The following EPB41L4A variants were observed in gnomAD, a reference collection of about 807,000 sequenced individuals.
The protein encoded by EPB41L4A is erythrocyte membrane protein band 4.1 like 4A.
A neutral mutation model predicts 108.6 loss-of-function variants in EPB41L4A; 100 were observed. The observed-to-expected ratio is 0.92, with a 90% CI of 0.78 to 1.09. The LOEUF (loss-of-function observed/expected upper bound fraction) is 1.09, where lower values mean the gene tolerates loss of function less well. EPB41L4A is among the 50% of genes least tolerant of loss of function. EPB41L4A has a pLI of 0.00. For synonymous variants in EPB41L4A, 319 were observed against 289.0 expected, an observed-to-expected ratio of 1.10 and a Z score of -1.05; for missense variants, 1,030 against 842.7, an observed-to-expected ratio of 1.22 and a Z score of -2.75.
intron 1 of EPB41L4A, among the ~76,000 whole-genome samples, chr5:112,315,151 C>G (rs1287044457): frequency 6.6e-6 from 1 of 152,152 alleles, no homozygotes; most frequent in African/African-American, 2.4e-5. Flanking sequence ...CCTTCAAGAT[C>G]CAGTTAAAAT....
intron 1 of EPB41L4A, among the ~76,000 whole-genome samples, chr5:112,360,694 C>T (rs1376296219): frequency 2.6e-5 from 4 of 152,194 alleles, no homozygotes; most frequent in Non-Finnish European, 4.4e-5. Flanking sequence ...CCGGCTGCCA[C>T]CCCGTCTAAG....
chr5:112,169,834 G>C (rs968667436), intron 20 of EPB41L4A, among the ~76,000 whole-genome samples: 4 of 152,162 alleles, frequency 2.6e-5, no homozygotes, highest in Admixed American at 1.3e-4. Context: ...GTACTGGTAA[G>C]GCAGAAAACA....
rs145525985 is a variant in EPB41L4A at position 112,288,425 on chromosome 5, A to T, written c.205-8102T>A. The stretch of plus-strand genomic sequence containing the variant: ...TCTTCCTTAGGCAAAATCCAGGCCG[A>T]GAACACTACTCCACCGCAAATACAC... On this transcript the variant is annotated intron_variant, in intron 2 of 22. Transcript: ENST00000261486. Among the ~76,000 whole-genome samples, 370 of 152,352 alleles carry T rather than the reference A, an allele frequency of 2.4e-3. 1 individual carries two copies. The highest frequency in any genetic ancestry group is 4.5e-3 in the Non-Finnish European group (308 of 68,038).
chr5:112,363,919 AAT>A (rs1435234158), intron 1 of EPB41L4A, among the ~76,000 whole-genome samples: 5 of 152,262 alleles, frequency 3.3e-5, no homozygotes, highest in African/African-American at 1.2e-4. Flanking sequence ...GCATTCAAAA[AAT>A]AGTCAATAAT....
chr5:112,387,399 G>T (rs1212199989), intron 1 of EPB41L4A, among the ~76,000 whole-genome samples: 2 of 151,964 alleles, frequency 1.3e-5, no homozygotes, highest in East Asian at 3.9e-4. Flanking sequence ...GGCCGAGGCG[G>T]GCAGATCACA....
chr5:112,141,954 A>T (rs1759087261), downstream of EPB41L4A, among the ~76,000 whole-genome samples: 2 of 152,196 alleles, frequency 1.3e-5, no homozygotes, highest in South Asian at 2.1e-4. Context: ...ACTATTCTAG[A>T]AGAATAAATG....
At position 112,259,940 on chromosome 5, in the gene EPB41L4A, C is replaced by A. The variant is rs2150437922; in HGVS notation, c.682G>T (p.Val228Phe). The change falls in exon 8 of 23, where the codon GTT becomes TTT. Residue 228 changes from valine (V) to phenylalanine (F), a missense_variant. Physicochemically the swap from Val to Phe is conservative, Grantham distance 50 (BLOSUM62 -1). Transcript: ENST00000261486. Reference sequence around the variant, plus strand: ...TTATTCTTGTACACAACAACACCAACCGGAGTTAATCCTAAGAAATACTCA... The same window carrying A: ...TTATTCTTGTACACAACAACACCAAACGGAGTTAATCCTAAGAAATACTCA... Reference protein sequence around the residue: ...KSEYFLGLTPVGVVVYKNKKQ... With the variant: ...KSEYFLGLTPFGVVVYKNKKQ... The A allele has an allele frequency of 6.2e-7, 1 of 1,614,122 alleles. No individual in the cohort carries two copies.
chr5:112,152,891 T>C (rs1399725582), intron 12 of EPB41L4A, among the ~76,000 whole-genome samples: 2 of 152,232 alleles, frequency 1.3e-5, no homozygotes, highest in African/African-American at 4.8e-5. Context: ...ATATCAATTG[T>C]ATGAATATGG....
chr5:112,307,304 C>A, intron 2 of EPB41L4A, 82 bp downstream of exon 2: 2 of 817,026 alleles, frequency 2.4e-6, no homozygotes, highest in South Asian at 1.6e-5. Flanking sequence ...AGAACCTAAC[C>A]ACCTAAAACC....
At chr5:112,393,129 GA>G (rs1312773349) in intron 1 of EPB41L4A, among the ~76,000 whole-genome samples, 2 of 152,156 alleles carry the variant, frequency 1.3e-5, no homozygotes, top group Admixed American at 6.5e-5. Context: ...ATGCCCACAA[GA>G]GAAAGCAGGA....
In EPB41L4A at chr5:112,399,049, G is replaced by A. The variant is rs552044419; in HGVS notation, c.99+19892C>T. Reference sequence around the variant, plus strand: ...AATGTACACTGTGAGACCAACGTGCGGAGCGGTGAATCCATCACCCTCGCC... The same window carrying A: ...AATGTACACTGTGAGACCAACGTGCAGAGCGGTGAATCCATCACCCTCGCC... On this transcript the variant is annotated intron_variant, in intron 1 of 22. Transcript: ENST00000261486. Among the ~76,000 whole-genome samples the A allele has an allele frequency of 5.9e-5, 9 of 152,122 alleles. No individual in the cohort carries two copies. The South Asian group carries it at 8.3e-4, about 14-fold the overall frequency.
chr5:112,310,284 A>T (rs1394548665), intron 1 of EPB41L4A, among the ~76,000 whole-genome samples: 2 of 152,210 alleles, frequency 1.3e-5, no homozygotes, highest in African/African-American at 4.8e-5. Context: ...TCTTATTCCC[A>T]GCCGTCTTGC....
intron 15 of EPB41L4A, among the ~76,000 whole-genome samples, chr5:112,201,285 C>T (rs1005975606): frequency 3.3e-5 from 5 of 152,206 alleles, no homozygotes; most frequent in African/African-American, 1.2e-4. Flanking sequence ...ATCCTCTTCC[C>T]AGCAAATTTA....
At chr5:112,255,377 T>A (rs1453527362) in intron 9 of EPB41L4A, among the ~76,000 whole-genome samples, 1 of 152,194 alleles carries the variant, frequency 6.6e-6, no homozygotes, top group Non-Finnish European at 1.5e-5. Flanking sequence ...TTTCTTTTTC[T>A]GACTTTTACG....
At chr5:112,158,065 C>A (rs567253551), downstream of EPB41L4A, among the ~76,000 whole-genome samples, 1 of 152,166 alleles carries the variant, frequency 6.6e-6, no homozygotes, top group Non-Finnish European at 1.5e-5. Context: ...GAATTGATTT[C>A]CTAAAACCTA....
At chr5:112,181,722 A>T (rs571663230) in intron 18 of EPB41L4A, among the ~76,000 whole-genome samples, 1 of 152,326 alleles carries the variant, frequency 6.6e-6, no homozygotes, top group Admixed American at 6.5e-5. Context: ...AAAGGAGTAT[A>T]TATTGTGTTA....
At chr5:112,366,189 C>T (rs556046897) in intron 1 of EPB41L4A, among the ~76,000 whole-genome samples, 63 of 152,238 alleles carry the variant, frequency 4.1e-4, no homozygotes, top group African/African-American at 1.4e-3. Flanking sequence ...GTGACTACTG[C>T]CCCTGCCACC....
intron 20 of EPB41L4A, 132 bp from the exon 21 acceptor site, chr5:112,169,237 TG>T: frequency 1.5e-6 from 1 of 664,354 alleles, no homozygotes; most frequent in Middle Eastern, 2.7e-4. Context: ...TCCTAGGGTT[TG>T]AAAGCCTGAG....
chr5:112,178,147 T>C (rs1760965282), intron 18 of EPB41L4A, among the ~76,000 whole-genome samples: 1 of 152,002 alleles, frequency 6.6e-6, no homozygotes, highest in African/African-American at 2.4e-5. Flanking sequence ...GGATATACCA[T>C]GCAAACAGTA....
Sources: gnomAD v4.1 joint callset for allele counts (sites outside exome capture counted in the v4.1 genomes callset) on GRCh38, gnomAD v4.1.1 for gene constraint, MANE v1.5 for transcripts, NCBI Gene and HGNC (gene_info 2026-07-23, HGNC 2026-07-21) for gene names.